PGCKA1: variants seen among roughly 807,000 people sequenced by gnomAD.
PGCKA1 encodes PDCD10 and GCKIII kinases-associated protein 1.
At chr4:37,590,492 A>C in the PGCKA1 span, 1 of 1,613,686 alleles carries the variant, frequency 6.2e-7, no homozygotes, top group Non-Finnish European at 8.5e-7. Context: ...AGGAAACAGG[A>C]CTGTGTGCTG....
At chr4:37,517,642 A>G in the PGCKA1 span, among the ~76,000 whole-genome samples, 1 of 152,016 alleles carries the variant, frequency 6.6e-6, no homozygotes, top group South Asian at 2.1e-4. Flanking sequence ...TTTTGTGGGT[A>G]CAGATATTTA....
the PGCKA1 span, among the ~76,000 whole-genome samples, chr4:37,512,887 G>A: frequency 2.6e-5 from 4 of 151,978 alleles, no homozygotes; most frequent in East Asian, 1.9e-4. Context: ...TCGGGAGTTC[G>A]AGACCAGCCT....
the PGCKA1 span, among the ~76,000 whole-genome samples, chr4:37,539,282 C>T: frequency 5.3e-5 from 8 of 152,196 alleles, no homozygotes; most frequent in Non-Finnish European, 8.8e-5. Context: ...CTGTGGTTAT[C>T]GCGTTCTGCT....
At chr4:37,570,146 ATTTTTTTTT>A in the PGCKA1 span, among the ~76,000 whole-genome samples, 259 of 78,944 alleles carry the variant, frequency 3.3e-3, 1 homozygote, top group African/African-American at 0.013. Flanking sequence ...CGCCTGGCTA[ATTTTTTTTT>A]TTTTTTTTTT....
chr4:37,499,087 T>G, the PGCKA1 span, among the ~76,000 whole-genome samples: 150,051 of 152,310 alleles, frequency 0.99, 73,955 homozygotes, highest in Middle Eastern at 1. Context: ...AGGATCATAT[T>G]GTTTTTGTCT....
the PGCKA1 span, among the ~76,000 whole-genome samples, chr4:37,476,783 T>C: frequency 5.3e-5 from 8 of 152,322 alleles, no homozygotes; most frequent in African/African-American, 1.9e-4. Flanking sequence ...TAATAAAACA[T>C]GTTAAAAATA....
At chr4:37,462,944 C>T in the PGCKA1 span, among the ~76,000 whole-genome samples, 1 of 120,112 alleles carries the variant, frequency 8.3e-6, no homozygotes, top group South Asian at 2.8e-4. Context: ...GCCTAGGTGA[C>T]AGAGCGAGAC....
the PGCKA1 span, among the ~76,000 whole-genome samples, chr4:37,530,108 A>G: frequency 1.3e-5 from 2 of 152,230 alleles, no homozygotes; most frequent in Admixed American, 1.3e-4. Flanking sequence ...AACAGGATGC[A>G]TCTGTTACCC....
the PGCKA1 span, among the ~76,000 whole-genome samples, chr4:37,552,658 C>T: frequency 6.6e-6 from 1 of 152,210 alleles, no homozygotes; most frequent in South Asian, 2.1e-4. Flanking sequence ...TCTGGATTCC[C>T]TTTGATGCCA....
At chr4:37,469,973 T>C in the PGCKA1 span, among the ~76,000 whole-genome samples, 1 of 152,226 alleles carries the variant, frequency 6.6e-6, no homozygotes, top group Non-Finnish European at 1.5e-5. Flanking sequence ...TATGACACTT[T>C]GGGAGATACA....
At chr4:37,585,149 G>T in the PGCKA1 span, among the ~76,000 whole-genome samples, 6 of 103,514 alleles carry the variant, frequency 5.8e-5, no homozygotes, top group African/African-American at 2.9e-4. Flanking sequence ...GGAGGGGGAG[G>T]GTCAGGAGGG....
chr4:37,542,184 G>T, the PGCKA1 span, among the ~76,000 whole-genome samples: 3 of 152,130 alleles, frequency 2.0e-5, no homozygotes, highest in Admixed American at 6.5e-5. Flanking sequence ...GTCATTCAGG[G>T]TCATTCTAAG....
the PGCKA1 span, among the ~76,000 whole-genome samples, chr4:37,513,098 A>AG: frequency 8.9e-6 from 1 of 112,850 alleles, no homozygotes; most frequent in Non-Finnish European, 1.9e-5. Flanking sequence ...TCAAAAAAAA[A>AG]AAAGAAAGAA....
chr4:37,540,299 T>A, the PGCKA1 span, among the ~76,000 whole-genome samples: 1 of 152,234 alleles, frequency 6.6e-6, no homozygotes, highest in African/African-American at 2.4e-5. Flanking sequence ...CAAAGGTCTT[T>A]AAGCATTTGG....
At chr4:37,573,769 G>A in the PGCKA1 span, among the ~76,000 whole-genome samples, 1 of 152,308 alleles carries the variant, frequency 6.6e-6, no homozygotes, top group Non-Finnish European at 1.5e-5. Flanking sequence ...GAATTGCTGA[G>A]TCAGAGATTA....
the PGCKA1 span, among the ~76,000 whole-genome samples, chr4:37,542,055 G>A: frequency 1.4e-4 from 21 of 152,084 alleles, no homozygotes; most frequent in African/African-American, 3.9e-4. Flanking sequence ...TCAATCCCCT[G>A]TACAGCGCAT....
chr4:37,459,097 G>A, the PGCKA1 span, among the ~76,000 whole-genome samples: 1 of 152,102 alleles, frequency 6.6e-6, no homozygotes, highest in Non-Finnish European at 1.5e-5. Flanking sequence ...ATGCTGCAGT[G>A]AAGGGTGGTG....
the PGCKA1 span, among the ~76,000 whole-genome samples, chr4:37,460,287 G>A: frequency 3.4e-4 from 51 of 152,194 alleles, no homozygotes; most frequent in East Asian, 8.5e-3. Context: ...GAATAGTGCC[G>A]CAATAAATAT....
At chr4:37,541,883 A>C in the PGCKA1 span, among the ~76,000 whole-genome samples, 1 of 152,174 alleles carries the variant, frequency 6.6e-6, no homozygotes, top group South Asian at 2.1e-4. Context: ...CTACATACAG[A>C]GGAGAGAGTC....
Sources: allele counts gnomAD v4.1 joint callset (sites outside exome capture counted in the v4.1 genomes callset), GRCh38; gene constraint gnomAD v4.1.1; transcripts MANE v1.5; gene names NCBI Gene and HGNC (gene_info 2026-07-23, HGNC 2026-07-21).